Variants in AOAH observed in about 807,000 individuals in gnomAD.
The protein encoded by AOAH is acyloxyacyl hydrolase, also known as acyloxyacyl hydrolase (neutrophil).
In AOAH, 64 loss-of-function variants were observed where a neutral mutation model predicts 92.2. The observed-to-expected ratio is 0.69, with a 90% CI of 0.57 to 0.86. AOAH has a LOEUF of 0.86. Among genes scored for constraint, AOAH ranks in the 40% least tolerant of loss-of-function variants. The pLI is 0.00. For synonymous variants in AOAH, 263 were observed against 254.5 expected (o/e 1.03, Z -0.32); for missense variants, 656 against 694.6 (o/e 0.94, Z 0.62).
At chr7:36,713,477 C>A (rs539603827) in intron 1 of AOAH, among the ~76,000 whole-genome samples, 15 of 152,272 alleles carry the variant, frequency 9.9e-5, no homozygotes, top group African/African-American at 3.6e-4. Flanking sequence ...ACCAAGCAGA[C>A]CTAATTGACA....
At chr7:36,567,627 T>C (rs1382964213) in intron 13 of AOAH, among the ~76,000 whole-genome samples, 1 of 152,182 alleles carries the variant, frequency 6.6e-6, no homozygotes, top group Non-Finnish European at 1.5e-5. Context: ...CCCTTAACAA[T>C]GGTTCCTGGC....
At chr7:36,541,059 C>A (rs755101435) in intron 15 of AOAH, among the ~76,000 whole-genome samples, 5 of 152,226 alleles carry the variant, frequency 3.3e-5, no homozygotes, top group Non-Finnish European at 5.9e-5. Flanking sequence ...GTCTTTAAAA[C>A]TTTTCACATG....
At chr7:36,617,108 G>A (rs1470643692) in intron 10 of AOAH, among the ~76,000 whole-genome samples, 3 of 152,162 alleles carry the variant, frequency 2.0e-5, no homozygotes, top group Non-Finnish European at 2.9e-5. Flanking sequence ...CTGAATTGAT[G>A]CCTCCCAGAG....
At chr7:36,562,439 TAGTTTGG>T (rs1463946329) in intron 13 of AOAH, among the ~76,000 whole-genome samples, 1 of 152,204 alleles carries the variant, frequency 6.6e-6, no homozygotes, top group Non-Finnish European at 1.5e-5. Context: ...CCTGCGATCA[TAGTTTGG>T]AGAAATGAAA....
intron 1 of AOAH, among the ~76,000 whole-genome samples, chr7:36,707,489 G>A (rs1798495823): frequency 6.6e-6 from 1 of 152,106 alleles, no homozygotes; most frequent in Non-Finnish European, 1.5e-5. Context: ...AGCACATGCT[G>A]TTGGAAAAAC....
At chr7:36,636,970 T>C (rs958914890) in intron 5 of AOAH, among the ~76,000 whole-genome samples, 1 of 152,204 alleles carries the variant, frequency 6.6e-6, no homozygotes, top group African/African-American at 2.4e-5. Flanking sequence ...GGACGAGGTC[T>C]TTGCCCTCCC....
chr7:36,662,389 T>C (rs1194949025), intron 3 of AOAH, among the ~76,000 whole-genome samples: 1 of 152,256 alleles, frequency 6.6e-6, no homozygotes, highest in Non-Finnish European at 1.5e-5. Context: ...GGGGTAAGAC[T>C]GCAACTAAAA....
chr7:36,529,543 C>G (rs1472767160), intron 19 of AOAH, among the ~76,000 whole-genome samples: 2 of 151,452 alleles, frequency 1.3e-5, no homozygotes, highest in Non-Finnish European at 2.9e-5. Context: ...TTTGATAATT[C>G]ATGATGGCCA....
intron 13 of AOAH, among the ~76,000 whole-genome samples, chr7:36,565,612 A>T (rs981627116): frequency 2.0e-5 from 3 of 150,860 alleles, no homozygotes; most frequent in African/African-American, 7.3e-5. Flanking sequence ...GGCTCACTGT[A>T]GGCTCTACCT....
intron 1 of AOAH, among the ~76,000 whole-genome samples, chr7:36,709,587 T>G (rs1798633628): frequency 6.6e-6 from 1 of 152,184 alleles, no homozygotes; most frequent in African/African-American, 2.4e-5. Context: ...TGTACTTATT[T>G]TTATCTGAAG....
At chr7:36,715,463 G>T (rs937561286) in intron 1 of AOAH, among the ~76,000 whole-genome samples, 5 of 151,148 alleles carry the variant, frequency 3.3e-5, no homozygotes, top group Non-Finnish European at 7.4e-5. Context: ...TCACAGAATT[G>T]GAAAAAACTA....
chr7:36,576,383 T>A (rs1291281314), intron 13 of AOAH, among the ~76,000 whole-genome samples, 191 bp downstream of exon 13: 1 of 152,222 alleles, frequency 6.6e-6, no homozygotes, highest in Non-Finnish European at 1.5e-5. Context: ...CTTGTTTTTG[T>A]TCTCCTTTGC....
chr7:36,644,882 T>G (rs184810863), intron 4 of AOAH, among the ~76,000 whole-genome samples: 7 of 148,840 alleles, frequency 4.7e-5, no homozygotes, highest in Admixed American at 2.7e-4. Flanking sequence ...CAAATGGGCG[T>G]TTTTTATTGT....
chr7:36,696,509 T>C (rs557088510), intron 1 of AOAH, among the ~76,000 whole-genome samples: 4 of 152,330 alleles, frequency 2.6e-5, no homozygotes, highest in African/African-American at 9.6e-5. Flanking sequence ...AGTATTTTTA[T>C]TAATTATGAG....
intron 18 of AOAH, among the ~76,000 whole-genome samples, chr7:36,530,842 T>C (rs575716908): frequency 4.6e-5 from 7 of 152,298 alleles, no homozygotes; most frequent in African/African-American, 1.7e-4. Flanking sequence ...AGCTTAACCT[T>C]TCTAGAGAGC....
chr7:36,522,138 G>A (rs1355903557), intron 19 of AOAH, 23 bp from the exon 20 acceptor site: 6 of 1,610,804 alleles, frequency 3.7e-6, no homozygotes, highest in Non-Finnish European at 4.2e-6. Flanking sequence ...TAACGAGAGG[G>A]TTACAGACAC....
In AOAH at chr7:36,669,295, C is replaced by T. The variant is rs542834819; in HGVS notation, c.290+4648G>A. Among the ~76,000 whole-genome samples the T allele has an allele frequency of 6.3e-4, 95 of 151,694 alleles. 1 individual carries two copies. The highest frequency in any genetic ancestry group is 2.3e-3 in the African/African-American group (93 of 41,320). On this transcript the variant is annotated intron_variant, in intron 3 of 20. Transcript: ENST00000617537. ...CTTTTATCTTGTTTCTAGGTCACAT[C>T]CTTTATAGTGTACTAGAATTTAATT...
In AOAH at chr7:36,632,017, G is replaced by A. The variant is rs746115165; in HGVS notation, c.521+19C>T. The A allele has an allele frequency of 3.2e-5, 51 of 1,593,094 alleles. No homozygotes were observed. The highest frequency in any genetic ancestry group is 4.3e-5 in the Non-Finnish European group (50 of 1,165,344). ...TTATTACATGCTAGTGCTCAGGAAG[G>A]TAGAAATTGTATACATACAATTTAA... On this transcript the variant is annotated intron_variant, in intron 6 of 20. Transcript: ENST00000617537.
At chr7:36,537,142 A>G (rs1041646879) in intron 16 of AOAH, among the ~76,000 whole-genome samples, 1 of 151,968 alleles carries the variant, frequency 6.6e-6, no homozygotes, top group East Asian at 1.9e-4. Flanking sequence ...TTTATTTCCC[A>G]TGGCAACCAG....
Sources: gnomAD v4.1 joint callset for allele counts (sites outside exome capture counted in the v4.1 genomes callset) on GRCh38, gnomAD v4.1.1 for gene constraint, MANE v1.5 for transcripts, NCBI Gene and HGNC (gene_info 2026-07-23, HGNC 2026-07-21) for gene names.